USH2A: variants seen among roughly 807,000 people sequenced by gnomAD.
USH2A encodes Usher syndrome 2A (autosomal recessive, mild).
Under a neutral mutation model 538.9 loss-of-function variants are expected in USH2A, and 443 were observed. The ratio of observed to expected loss-of-function variants is 0.82; its 90% CI spans 0.76 to 0.89. The LOEUF (loss-of-function observed/expected upper bound fraction) is 0.89. USH2A is among the 40% of genes least tolerant of loss of function. The probability of loss-of-function intolerance (pLI) is 0.00; values close to 1 mark genes in which losing one functional copy is unlikely to be tolerated. For missense variants in USH2A, 6,633 were observed against 6,324.8 expected, an observed-to-expected ratio of 1.05 and a Z score of -1.65; for synonymous variants, 2,413 against 2,273.5, an observed-to-expected ratio of 1.06 and a Z score of -1.75.
intron 11 of USH2A, among the ~76,000 whole-genome samples, chr1:216,251,504 G>A (rs769816097): frequency 1.3e-4 from 17 of 128,728 alleles, no homozygotes; most frequent in Non-Finnish European, 1.9e-4. Context: ...AGGCTGGAGT[G>A]CAGTGGCTCA....
At chr1:215,733,323 C>T (rs917038978) in intron 60 of USH2A, among the ~76,000 whole-genome samples, 1 of 152,154 alleles carries the variant, frequency 6.6e-6, no homozygotes, top group South Asian at 2.1e-4. Context: ...GGGATCTGAC[C>T]CCATTATGCA....
chr1:216,133,647 C>T (rs559149340), intron 21 of USH2A, among the ~76,000 whole-genome samples: 1 of 151,994 alleles, frequency 6.6e-6, no homozygotes, highest in Admixed American at 6.6e-5. Context: ...ATATTTATTC[C>T]CTATTTAATG....
At chr1:215,764,538 A>G (rs1661072566) in intron 56 of USH2A, among the ~76,000 whole-genome samples, 1 of 152,178 alleles carries the variant, frequency 6.6e-6, no homozygotes, top group Non-Finnish European at 1.5e-5. Context: ...CAACTTGTCA[A>G]TGAGGTTGTA....
chr1:215,892,858 G>A (rs1034438761), intron 40 of USH2A, among the ~76,000 whole-genome samples: 1 of 152,116 alleles, frequency 6.6e-6, no homozygotes, highest in African/African-American at 2.4e-5. Context: ...GAATTGGAAG[G>A]ACATTATTTG....
intron 40 of USH2A, among the ~76,000 whole-genome samples, chr1:215,891,733 G>T (rs1336032764): frequency 3.3e-5 from 5 of 152,140 alleles, no homozygotes; most frequent in Admixed American, 3.3e-4. Context: ...ATCACAATCA[G>T]CTCCTTAACT....
At position 216,031,711 on chromosome 1, in the gene USH2A, C is replaced by A. The variant is rs530865378; in HGVS notation, c.6325+14720G>T. ...TCAATGGTTCTCTCTTGCTTCAGAA[C>A]AAAGTTCAAATATCTCAACATAACT... On this transcript the variant is annotated intron_variant, in intron 32 of 71. Transcript: ENST00000307340. Among the ~76,000 whole-genome samples, 281 of 152,292 alleles carry A rather than the reference C, an allele frequency of 1.8e-3. 2 individuals carry two copies. Among genetic ancestry groups the A allele is most frequent in the African/African-American group, 6.3e-3 (261 of 41,552 alleles).
intron 20 of USH2A, among the ~76,000 whole-genome samples, chr1:216,186,319 A>C (rs977611665): frequency 6.6e-6 from 1 of 151,608 alleles, no homozygotes; most frequent in African/African-American, 2.4e-5. Context: ...CATGCTAATT[A>C]GGGTAATCCC....
At chr1:215,979,286 C>A (rs1667695457) in intron 35 of USH2A, among the ~76,000 whole-genome samples, 1 of 152,088 alleles carries the variant, frequency 6.6e-6, no homozygotes, top group South Asian at 2.1e-4. Context: ...GGGATTTTCA[C>A]AATTCAAGGT....
chr1:216,071,121 G>A (rs189184969), intron 29 of USH2A, among the ~76,000 whole-genome samples: 10 of 152,152 alleles, frequency 6.6e-5, no homozygotes, highest in Non-Finnish European at 1.0e-4. Flanking sequence ...AAGGAACTCC[G>A]TGGCAGGATG....
chr1:215,655,633 A>G (rs1193262223), intron 64 of USH2A, among the ~76,000 whole-genome samples: 1 of 151,984 alleles, frequency 6.6e-6, no homozygotes, highest in Non-Finnish European at 1.5e-5. Flanking sequence ...AGAAGGGACC[A>G]TCAGTCTGCA....
Position 216,216,069 on chromosome 1 carries a change from C to T in USH2A, c.3157+1318G>A, listed in dbSNP as rs147008814. On this transcript the variant is annotated intron_variant, in intron 15 of 71. Transcript: ENST00000307340. ...GGTATTGTAATTCCATTATAAATGA[C>T]GATCCATAACTCATATCCAAAAGGA... is the stretch of plus-strand genomic sequence containing the variant. Among the ~76,000 whole-genome samples, 819 of 152,162 alleles carry T rather than the reference C, an allele frequency of 5.4e-3. 6 individuals carry two copies. Among genetic ancestry groups the T allele is most frequent in the African/African-American group, 0.019 (778 of 41,528 alleles).
chr1:215,798,876 A>G (rs867483735), intron 50 of USH2A, 31 bp downstream of exon 50: 1 of 1,611,948 alleles, frequency 6.2e-7, no homozygotes, highest in Non-Finnish European at 8.5e-7. Flanking sequence ...CAGATCCTCC[A>G]TCTACTGAAA....
intron 21 of USH2A, chr1:216,174,924 G>T: frequency 8.6e-7 from 1 of 1,159,156 alleles, no homozygotes; most frequent in Non-Finnish European, 1.1e-6. Flanking sequence ...AAACTCATTT[G>T]CTCAGAGAAC....
chr1:215,947,575 G>A (rs931121750), intron 37 of USH2A, among the ~76,000 whole-genome samples: 1 of 152,234 alleles, frequency 6.6e-6, no homozygotes, highest in East Asian at 1.9e-4. Flanking sequence ...AGAGATGGAG[G>A]TGAAACTTTT....
intron 11 of USH2A, among the ~76,000 whole-genome samples, chr1:216,262,304 A>T (rs1041367538): frequency 3.9e-5 from 6 of 152,122 alleles, no homozygotes; most frequent in Non-Finnish European, 8.8e-5. Flanking sequence ...GAAAATACAG[A>T]TATGCAACTG....
intron 9 of USH2A, among the ~76,000 whole-genome samples, chr1:216,298,771 T>C (rs188083438): frequency 6.6e-6 from 1 of 152,202 alleles, no homozygotes; most frequent in African/African-American, 2.4e-5. Flanking sequence ...GTTTATCCAC[T>C]CCTTTTAGGA....
rs146950070 is a variant in USH2A at position 216,325,437 on chromosome 1, A to G, written c.1011T>C (p.Pro337=). ...TGACAAAAGAGAGAGGATGGGCTTC[A>G]GGATTCAACCGTGACACTCTATTAT... ...TADNRVSRLN[P]EAHPLSFVND... is the part of the protein sequence containing the mutation. Residue 337 remains proline (P), a synonymous_variant, in exon 6 of 72, where the codon CCT becomes CCC. Coordinates refer to ENST00000307340, the MANE Select transcript of USH2A (RefSeq NM_206933.4). 18 of 1,613,884 alleles carry G rather than the reference A, an allele frequency of 1.1e-5. No homozygotes were observed. Among genetic ancestry groups the G allele is most frequent in the Admixed American group, 3.3e-5 (2 of 59,960 alleles).
At chr1:216,151,644 T>C (rs915312172) in intron 21 of USH2A, among the ~76,000 whole-genome samples, 1 of 152,316 alleles carries the variant, frequency 6.6e-6, no homozygotes, top group Non-Finnish European at 1.5e-5. Context: ...ACTCTTTAGC[T>C]GCAGTTGTCC....
At position 215,991,213 on chromosome 1, in the gene USH2A, T is replaced by C. The variant is rs369256797; in HGVS notation, c.6805+1807A>G. On this transcript the variant is annotated intron_variant, in intron 35 of 71. Coordinates refer to ENST00000307340, the MANE Select transcript of USH2A (RefSeq NM_206933.4). The stretch of plus-strand genomic sequence containing the variant: ...TTCCAACCCAACATTAAGCCATAAA[T>C]ATTCCAGCATGGCTAGAAAGGAAGA... Among the ~76,000 whole-genome samples the C allele has an allele frequency of 4.3e-3, 656 of 152,284 alleles. 7 individuals carry two copies. The highest frequency in any genetic ancestry group is 0.015 in the African/African-American group (633 of 41,550).
Sources: gnomAD v4.1 joint callset for allele counts (sites outside exome capture counted in the v4.1 genomes callset) on GRCh38, gnomAD v4.1.1 for gene constraint, MANE v1.5 for transcripts, NCBI Gene and HGNC (gene_info 2026-07-23, HGNC 2026-07-21) for gene names.